POU2F1: variants seen among roughly 807,000 people sequenced by gnomAD.
The protein encoded by POU2F1 is POU domain, class 2, transcription factor 1.
In POU2F1, 16 loss-of-function variants were observed where a neutral mutation model predicts 84.9. The ratio of observed to expected loss-of-function variants is 0.19; its 90% CI spans 0.13 to 0.29. The LOEUF (loss-of-function observed/expected upper bound fraction) is 0.29, where lower values mean the gene tolerates loss of function less well. Among genes scored for constraint, POU2F1 ranks in the 10% least tolerant of loss-of-function variants. POU2F1 has a pLI of 1.00. For missense variants in POU2F1, 738 were observed against 942.6 expected (o/e 0.78, Z 2.84); for synonymous variants, 368 against 368.3 (o/e 1.00, Z 0.01).
chr1:167,413,126 C>G lies in POU2F1; in HGVS notation c.1990+12C>G, dbSNP rs1443723538. The G allele has an allele frequency of 3.1e-6, 5 of 1,598,432 alleles. No individual in the cohort carries two copies. The highest frequency in any genetic ancestry group is 4.3e-6 in the Non-Finnish European group (5 of 1,167,008). On this transcript the variant is annotated intron_variant, in intron 15 of 15. Transcript: ENST00000367866. ...GGCAACTATTCAAGGTCAGTAGAAG[C>G]CTTTTTCTTAATTTGGTGGCATGCA...
At position 167,317,199 on chromosome 1, in the gene POU2F1, C is replaced by CT. The variant is rs749844712; in HGVS notation, c.62-15270dup. On this transcript the variant is annotated intron_variant, in intron 1 of 15. Coordinates refer to ENST00000367866, the MANE Select transcript of POU2F1 (RefSeq NM_002697.4). ...TGAGCCACCGTGCCTGGCTAGAACT[C>CT]TAATACTAGACAACAATGTCAAGAC... is the stretch of plus-strand genomic sequence containing the variant. Among the ~76,000 whole-genome samples the CT allele has an allele frequency of 3.3e-5, 5 of 152,282 alleles. No individual in the cohort carries two copies. In the South Asian group the frequency reaches 6.2e-4, roughly 19 times the overall value.
At chr1:167,352,005 T>G (rs1045255987) in intron 2 of POU2F1, among the ~76,000 whole-genome samples, 1 of 152,208 alleles carries the variant, frequency 6.6e-6, no homozygotes, top group African/African-American at 2.4e-5. Flanking sequence ...CTGGGCAGAA[T>G]TCAAACAGCA....
In POU2F1 at chr1:167,413,160, T is replaced by C. The variant is rs765520940; in HGVS notation, c.1990+46T>C. 16 of 1,316,264 alleles carry C rather than the reference T, an allele frequency of 1.2e-5. No individual in the cohort carries two copies. In the Admixed American group the frequency reaches 2.6e-4, roughly 21 times the overall value. The allele number at this position is 1,316,264 out of a possible 1,614,324, so 81.5% of individuals were successfully genotyped here. A position where few individuals can be genotyped will look rare whatever the true frequency, so the allele number is the denominator to read the frequency against. On this transcript the variant is annotated intron_variant, in intron 15 of 15. Coordinates refer to ENST00000367866, the MANE Select transcript of POU2F1 (RefSeq NM_002697.4). Reference sequence around the variant, plus strand: ...TAATTTGGTGGCATGCACGTGTGTGTGAGTGTGTGTGTGTGTGTGTGTGTG... The same window carrying C: ...TAATTTGGTGGCATGCACGTGTGTGCGAGTGTGTGTGTGTGTGTGTGTGTG...
intron 1 of POU2F1, among the ~76,000 whole-genome samples, chr1:167,254,013 T>C (rs1650943931): frequency 6.6e-6 from 1 of 152,206 alleles, no homozygotes; most frequent in African/African-American, 2.4e-5. Context: ...GAATGGAAGC[T>C]CTTTTGGCTG....
intron 9 of POU2F1, among the ~76,000 whole-genome samples, chr1:167,394,930 G>A (rs1194424991): frequency 6.6e-6 from 1 of 152,186 alleles, no homozygotes; most frequent in Non-Finnish European, 1.5e-5. Context: ...TTAGGGGTAG[G>A]GGGGAATCAA....
At position 167,411,987 on chromosome 1, in the gene POU2F1, A is replaced by G. The variant is rs199802231; in HGVS notation, c.1584A>G (p.Thr528=). 4.0e-5 allele frequency: 64 copies of G among 1,613,660 alleles called. 1 individual carries two copies. Among genetic ancestry groups the G allele is most frequent in the Non-Finnish European group, 5.3e-5 (63 of 1,179,782 alleles). The change falls in exon 14 of 16, where the codon ACA becomes ACG. Residue 528 remains threonine (T), a synonymous_variant. Transcript: ENST00000367866. ...CTTCAGACACCACCTCCAACAACAC[A>G]GCAACCGTGATTTCCACAGCGCCTC... is the stretch of plus-strand genomic sequence containing the variant. The part of the protein sequence containing the change: ...TGTSDTTSNN[T]ATVISTAPPA...
At chr1:167,274,218 A>G (rs1652565927) in intron 1 of POU2F1, among the ~76,000 whole-genome samples, 1 of 152,128 alleles carries the variant, frequency 6.6e-6, no homozygotes, top group Non-Finnish European at 1.5e-5. Context: ...CTTTCCCTTA[A>G]TTATTAAAGC....
chr1:167,220,951 AG>A lies in POU2F1; in HGVS notation c.55del (p.Ala19GlnfsTer6), dbSNP rs1342571404. On this transcript the variant is annotated frameshift_variant, in exon 1 of 16. Transcript: ENST00000367866. LOFTEE classifies it high-confidence loss of function. ...QDESSAAAAA[A>X]ADSRMNNPSE... Reference sequence around the variant, plus strand: ...ATGAGAGTTCAGCCGCGGCGGCAGCAGCAGCAGGTAATCATTACAGCATTTT... The same window carrying A: ...ATGAGAGTTCAGCCGCGGCGGCAGCACAGCAGGTAATCATTACAGCATTTT... 1 of 1,535,168 alleles carries A rather than the reference AG, an allele frequency of 6.5e-7. No homozygotes were observed.
At chr1:167,409,389 T>C (rs567419216) in intron 13 of POU2F1, among the ~76,000 whole-genome samples, 1 of 152,304 alleles carries the variant, frequency 6.6e-6, no homozygotes, top group African/African-American at 2.4e-5. Context: ...TGGTTGGTGG[T>C]ATCTTATTTT....
chr1:167,388,572 C>T (rs948856664), intron 8 of POU2F1, among the ~76,000 whole-genome samples: 2 of 152,150 alleles, frequency 1.3e-5, no homozygotes, highest in Admixed American at 1.3e-4. Flanking sequence ...AGAATATTGC[C>T]TTAGTTTTTA....
At position 167,332,672 on chromosome 1, in the gene POU2F1, A is replaced by G. The variant is rs972234538; in HGVS notation, c.127+137A>G. 2.0e-5 allele frequency: 12 copies of G among 593,978 alleles called. No individual in the cohort carries two copies. In the African/African-American group the frequency reaches 2.0e-4, roughly 10 times the overall value. 36.8% of individuals were successfully genotyped at this position (593,978 alleles called of 1,614,324 possible). A position where few individuals can be genotyped will look rare whatever the true frequency, so the allele number is the denominator to read the frequency against. On this transcript the variant is annotated intron_variant, in intron 2 of 15. Transcript: ENST00000367866. ...GTTGTCAAATATGATTCAGTCCTTT[A>G]GGAACTGGGAGGGATTATGTTTGTT... is the stretch of plus-strand genomic sequence containing the variant.
Position 167,399,189 on chromosome 1 carries a change from CAAA to C in POU2F1, c.1275_1277del (p.Lys426del). The C allele has an allele frequency of 6.3e-7, 1 of 1,599,384 alleles. No homozygotes were observed. The highest frequency in any genetic ancestry group is 8.5e-7 in the Non-Finnish European group (1 of 1,172,098). ...ATTACATCTTTTCACCCTGCAGAAT[CAAA>C]AGCCTACCTCGGAAGAGATCACTAT... On this transcript the variant is annotated inframe_deletion, in exon 12 of 16. Transcript: ENST00000367866.
chr1:167,341,675 C>T (rs569504573), intron 2 of POU2F1, among the ~76,000 whole-genome samples: 86 of 152,276 alleles, frequency 5.6e-4, no homozygotes, highest in Non-Finnish European at 9.0e-4. Context: ...GTCTGCAACT[C>T]CCAAAGCCCA....
intron 1 of POU2F1, among the ~76,000 whole-genome samples, chr1:167,276,199 C>T (rs890968618): frequency 1.3e-5 from 2 of 152,150 alleles, no homozygotes; most frequent in African/African-American, 4.8e-5. Context: ...CTGCCGAGGA[C>T]GTGAATCTTT....
At chr1:167,341,737 TTAAG>T (rs1249762727) in intron 2 of POU2F1, among the ~76,000 whole-genome samples, 1 of 152,190 alleles carries the variant, frequency 6.6e-6, no homozygotes, top group Non-Finnish European at 1.5e-5. Flanking sequence ...TACAGACAGC[TTAAG>T]TGTTAGCTCA....
intron 2 of POU2F1, among the ~76,000 whole-genome samples, chr1:167,346,571 T>C (rs1425933623): frequency 3.3e-5 from 5 of 152,142 alleles, no homozygotes; most frequent in Admixed American, 6.6e-5. Context: ...CATCAGTCAT[T>C]AGTTAGATTC....
chr1:167,266,923 A>G (rs1340352544), intron 1 of POU2F1, among the ~76,000 whole-genome samples: 1 of 152,066 alleles, frequency 6.6e-6, no homozygotes, highest in Non-Finnish European at 1.5e-5. Flanking sequence ...CAAAATGTTC[A>G]TATTATTTCA....
At chr1:167,300,815 G>T (rs996001748) in intron 1 of POU2F1, among the ~76,000 whole-genome samples, 8 of 151,962 alleles carry the variant, frequency 5.3e-5, no homozygotes, top group Non-Finnish European at 1.2e-4. Context: ...CTGTTGCCCA[G>T]GCTGGAGTGC....
intron 13 of POU2F1, among the ~76,000 whole-genome samples, chr1:167,407,063 G>A (rs904166357): frequency 1.3e-5 from 2 of 149,504 alleles, no homozygotes; most frequent in African/African-American, 5.0e-5. Flanking sequence ...ATTTGTTTTC[G>A]AGACAGGGTA....
Sources: gnomAD v4.1 joint callset for allele counts (sites outside exome capture counted in the v4.1 genomes callset) on GRCh38, gnomAD v4.1.1 for gene constraint, MANE v1.5 for transcripts, NCBI Gene and HGNC (gene_info 2026-07-23, HGNC 2026-07-21) for gene names.